VSX2: variants seen among roughly 807,000 people sequenced by gnomAD.
The protein encoded by VSX2 is visual system homeobox 2, also known as ceh-10 homeo domain containing homolog.
In VSX2, 28 loss-of-function variants were observed where a neutral mutation model predicts 32.1. The ratio of observed to expected loss-of-function variants is 0.87; its 90% CI spans 0.65 to 1.20. The LOEUF (loss-of-function observed/expected upper bound fraction) is 1.20. VSX2 is among the 50% of genes most tolerant of loss of function. VSX2 has a pLI of 0.00. For synonymous variants in VSX2, 243 were observed against 214.1 expected, an observed-to-expected ratio of 1.14 and a Z score of -1.18; for missense variants, 506 against 488.7, an observed-to-expected ratio of 1.04 and a Z score of -0.33.
In VSX2 at chr14:74,239,921, G is replaced by A. The variant is rs1175738409; in HGVS notation, c.360G>A (p.Thr120=). 7.0e-6 allele frequency: 11 copies of A among 1,565,828 alleles called. No homozygotes were observed. Among genetic ancestry groups the A allele is most frequent in the Non-Finnish European group, 9.5e-6 (11 of 1,156,264 alleles). Residue 120 remains threonine, a synonymous_variant, in exon 1 of 5, where the codon ACG becomes ACA. Coordinates refer to ENST00000261980, the MANE Select transcript of VSX2 (RefSeq NM_182894.3). ...RASGPLDTSQ[T]ASSDSEDVSS... is the part of the protein sequence containing the mutation. ...CGGGGCCGCTGGACACCAGCCAGAC[G>A]GCCAGCTCGGGTAGGTGAGGAGAGG... is the stretch of plus-strand genomic sequence containing the variant.
chr14:74,245,423 G>A, intron 3 of VSX2, 135 bp downstream of exon 3: 1 of 1,264,894 alleles, frequency 7.9e-7, no homozygotes, highest in Non-Finnish European at 1.1e-6. Context: ...CATGTTCTCA[G>A]CCTATTTAAG....
chr14:74,254,157 T>C (rs1301019709), intron 3 of VSX2, among the ~76,000 whole-genome samples: 1 of 150,154 alleles, frequency 6.7e-6, no homozygotes, highest in Non-Finnish European at 1.5e-5. Flanking sequence ...CGCCAGTAAT[T>C]CCAGCAATTT....
At chr14:74,242,284 C>T (rs144060327) in intron 2 of VSX2, among the ~76,000 whole-genome samples, 3 of 152,160 alleles carry the variant, frequency 2.0e-5, no homozygotes, top group East Asian at 3.9e-4. Flanking sequence ...CCTTTCAAGA[C>T]ATTTCTCCAC....
chr14:74,239,964 TGGG>T, intron 1 of VSX2, 33 bp downstream of exon 1: 1 of 1,544,884 alleles, frequency 6.5e-7, no homozygotes, highest in Non-Finnish European at 8.7e-7. Context: ...GCTGCCTGAC[TGGG>T]GGGCGACAGC....
At chr14:74,254,272 G>A (rs1010909116) in intron 3 of VSX2, among the ~76,000 whole-genome samples, 6 of 152,038 alleles carry the variant, frequency 3.9e-5, no homozygotes, top group South Asian at 2.1e-4. Flanking sequence ...TTAGCTGGGC[G>A]TGCTGCCAGG....
At chr14:74,241,404 G>C in intron 2 of VSX2, 138 bp downstream of exon 2, 3 of 992,502 alleles carry the variant, frequency 3.0e-6, no homozygotes, top group East Asian at 2.6e-5. Flanking sequence ...GCAGACCACG[G>C]GTTGTTTGGC....
Position 74,259,733 on chromosome 14 carries a change from C to G in VSX2, c.711C>G (p.Leu237=). ...CCATCCCCCTGCCCGAGTCCATCCT[C>G]AAGTCAGCCAAGGATGGCATCATGG... ...RHSIPLPESI[L]KSAKDGIMDS... is the part of the protein sequence containing the mutation. The change falls in exon 4 of 5, where the codon CTC becomes CTG. Residue 237 remains leucine (L), a synonymous_variant. Transcript: ENST00000261980. 6.2e-7 allele frequency: 1 copy of G among 1,613,656 alleles called. No individual in the cohort carries two copies. The highest frequency in any genetic ancestry group is 8.5e-7 in the Non-Finnish European group (1 of 1,179,678).
intron 2 of VSX2, among the ~76,000 whole-genome samples, chr14:74,243,102 A>G (rs927375948): frequency 6.6e-6 from 1 of 152,196 alleles, no homozygotes; most frequent in Non-Finnish European, 1.5e-5. Flanking sequence ...TGTTTTAATT[A>G]GGAAAAAATA....
At chr14:74,241,940 G>GGTTTTGTTTT (rs147024909) in intron 2 of VSX2, among the ~76,000 whole-genome samples, 7 of 152,036 alleles carry the variant, frequency 4.6e-5, no homozygotes, top group African/African-American at 1.2e-4. Flanking sequence ...GACTAGAAAG[G>GGTTTTGTTTT]GTTTTGTTTT....
chr14:74,247,562 C>G (rs1053717222), intron 3 of VSX2, among the ~76,000 whole-genome samples: 2 of 152,170 alleles, frequency 1.3e-5, no homozygotes. Context: ...CATGAATTTC[C>G]TTTGAGAACT....
chr14:74,260,975 G>A lies in VSX2; in HGVS notation c.*56G>A. On this transcript the variant is annotated 3_prime_UTR_variant, in exon 5 of 5. Coordinates refer to ENST00000261980, the MANE Select transcript of VSX2 (RefSeq NM_182894.3). The stretch of plus-strand genomic sequence containing the variant: ...AGACTCTGCTCTCCTCGGGCCCTGT[G>A]GTGCTGGGAGATGCTCTCTGAGGCA... 1 of 1,539,294 alleles carries A rather than the reference G, an allele frequency of 6.5e-7. No homozygotes were observed. The highest frequency in any genetic ancestry group is 8.8e-7 in the Non-Finnish European group (1 of 1,139,384).
At chr14:74,241,438 G>T (rs1286512809) in intron 2 of VSX2, among the ~76,000 whole-genome samples, 172 bp downstream of exon 2, 6 of 152,240 alleles carry the variant, frequency 3.9e-5, no homozygotes, top group Non-Finnish European at 7.3e-5. Context: ...GGGCCTTGGC[G>T]TCGGCACCGG....
chr14:74,258,733 C>G (rs1194414011), intron 3 of VSX2, among the ~76,000 whole-genome samples: 1 of 152,132 alleles, frequency 6.6e-6, no homozygotes, highest in African/African-American at 2.4e-5. Flanking sequence ...ATTCTGGGAT[C>G]CTAGAATGGG....
intron 3 of VSX2, among the ~76,000 whole-genome samples, chr14:74,257,622 G>A (rs1016676765): frequency 2.8e-4 from 43 of 152,170 alleles, no homozygotes; most frequent in African/African-American, 9.9e-4. Flanking sequence ...GGGATTGGCC[G>A]GCCGCGCTCC....
chr14:74,259,542 A>ACCCCTTGT, intron 3 of VSX2, 60 bp from the exon 4 acceptor site: 1 of 1,603,238 alleles, frequency 6.2e-7, no homozygotes, highest in Non-Finnish European at 8.5e-7. Flanking sequence ...TACAAGGGGT[A>ACCCCTTGT]AGGGCCTTGG....
rs77732635 is a variant in VSX2, at chr14:74,242,471, G to A, written c.455+1205G>A. 3.1e-3 allele frequency among the ~76,000 whole-genome samples: 465 copies of A among 152,234 alleles called. 12 individuals are homozygous for A. The East Asian group carries it at 0.054, about 18-fold the overall frequency. ...TATCCTCACCCCTTAGGCCCTAATA[G>A]GTTTTGGCTTGAATGCAGGTGAACT... On this transcript the variant is annotated intron_variant, in intron 2 of 4. Transcript: ENST00000261980.
At chr14:74,251,317 G>A (rs1225766287) in intron 3 of VSX2, among the ~76,000 whole-genome samples, 1 of 152,176 alleles carries the variant, frequency 6.6e-6, no homozygotes, top group Non-Finnish European at 1.5e-5. Context: ...GGGCATGATG[G>A]CGGATGCCTG....
chr14:74,250,641 C>T (rs1594756159), intron 3 of VSX2, among the ~76,000 whole-genome samples: 1 of 151,974 alleles, frequency 6.6e-6, no homozygotes, highest in East Asian at 1.9e-4. Flanking sequence ...AAGATGGGTG[C>T]TTGAGTAGGG....
intron 3 of VSX2, among the ~76,000 whole-genome samples, chr14:74,254,797 T>TTTTTTTTTTTTTTTTTTTTTTTTTG (rs59140763): frequency 6.8e-6 from 1 of 147,964 alleles, no homozygotes; most frequent in Non-Finnish European, 1.5e-5. Context: ...TTTTTTTTTT[T>TTTTTTTTTTTTTTTTTTTTTTTTTG]GAGACGCAGT....
Sources: allele counts gnomAD v4.1 joint callset (sites outside exome capture counted in the v4.1 genomes callset), GRCh38; gene constraint gnomAD v4.1.1; transcripts MANE v1.5; gene names NCBI Gene and HGNC (gene_info 2026-07-23, HGNC 2026-07-21).